Variants in DTNB observed in about 807,000 individuals in gnomAD.
The protein encoded by DTNB is DTN-B.
In DTNB, 63 loss-of-function variants were observed where a neutral mutation model predicts 90.7. That is an observed-to-expected ratio of 0.69 (90% CI 0.57 to 0.86). DTNB has a LOEUF of 0.86. DTNB is among the 40% of genes least tolerant of loss of function. DTNB has a pLI of 0.00. For synonymous variants in DTNB, 277 were observed against 286.7 expected (o/e 0.97, Z 0.34); for missense variants, 744 against 807.1 (o/e 0.92, Z 0.95).
At chr2:25,479,583 C>T (rs1165984320) in intron 10 of DTNB, among the ~76,000 whole-genome samples, 1 of 152,186 alleles carries the variant, frequency 6.6e-6, no homozygotes, top group African/African-American at 2.4e-5. Context: ...CAAATCCCTA[C>T]AGTAGAACCT....
intron 16 of DTNB, among the ~76,000 whole-genome samples, chr2:25,391,258 T>C (rs914862057): frequency 7.2e-5 from 11 of 152,180 alleles, no homozygotes; most frequent in Non-Finnish European, 1.5e-4. Flanking sequence ...ACTAGATACA[T>C]TGAATATTAT....
At chr2:25,596,406 G>T in intron 5 of DTNB, 166 bp from the exon 6 acceptor site, 1 of 712,118 alleles carries the variant, frequency 1.4e-6, no homozygotes, top group Non-Finnish European at 2.1e-6. Context: ...TATTAACACT[G>T]TGTGGCTACC....
rs77257548 is a variant in DTNB, at chr2:25,406,628, A to G, written c.1575+12887T>C. Among the ~76,000 whole-genome samples, 944 of 152,244 alleles carry G rather than the reference A, an allele frequency of 6.2e-3. 8 individuals are homozygous for G. The highest frequency in any genetic ancestry group is 0.014 in the Middle Eastern group (4 of 294). ...ACCAAAAAAACACATATGTTTTTCT[A>G]TAACACATACAACAACTACTTGCAA... is the stretch of plus-strand genomic sequence containing the variant. On this transcript the variant is annotated intron_variant, in intron 16 of 20. Transcript: ENST00000406818.
intron 19 of DTNB, among the ~76,000 whole-genome samples, chr2:25,381,005 A>G (rs188740588): frequency 1.3e-5 from 2 of 152,346 alleles, no homozygotes; most frequent in South Asian, 4.1e-4. Flanking sequence ...GTTCGTGGCC[A>G]GGGCAAGGCC....
chr2:25,555,981 T>C (rs978871148), intron 8 of DTNB, among the ~76,000 whole-genome samples: 5 of 152,114 alleles, frequency 3.3e-5, no homozygotes, highest in East Asian at 1.9e-4. Flanking sequence ...GATTGTGCCA[T>C]TGCGCTCCAG....
intron 9 of DTNB, among the ~76,000 whole-genome samples, chr2:25,521,909 T>C (rs1414075826): frequency 1.3e-5 from 2 of 152,182 alleles, no homozygotes; most frequent in Admixed American, 6.5e-5. Flanking sequence ...GAATTCAGGG[T>C]AATAGACACA....
At chr2:25,633,244 G>A (rs538592615) in intron 3 of DTNB, among the ~76,000 whole-genome samples, 17 of 151,970 alleles carry the variant, frequency 1.1e-4, no homozygotes, top group African/African-American at 3.6e-4. Flanking sequence ...CTGCCATCTC[G>A]GCTCACTGCA....
At chr2:25,624,987 T>C (rs2073799579) in intron 4 of DTNB, among the ~76,000 whole-genome samples, 2 of 152,132 alleles carry the variant, frequency 1.3e-5, no homozygotes, top group African/African-American at 4.8e-5. Context: ...CTCTCAGTAT[T>C]AAAAAAAATT....
chr2:25,594,909 C>G (rs1398384773), intron 6 of DTNB: 1 of 152,242 alleles, frequency 6.6e-6, no homozygotes, highest in Non-Finnish European at 1.5e-5. Flanking sequence ...AAACTTTATT[C>G]AGATTTTTCC....
intron 12 of DTNB, among the ~76,000 whole-genome samples, chr2:25,448,929 A>G (rs973366283): frequency 1.3e-5 from 2 of 151,616 alleles, no homozygotes; most frequent in Non-Finnish European, 2.9e-5. Flanking sequence ...CCACACCCCT[A>G]TTGAAATGTG....
intron 16 of DTNB, among the ~76,000 whole-genome samples, chr2:25,415,390 G>A (rs1305834985): frequency 6.6e-6 from 1 of 151,738 alleles, no homozygotes; most frequent in African/African-American, 2.4e-5. Flanking sequence ...GGGACTACGG[G>A]TGCATGCTAC....
At chr2:25,587,652 A>G (rs2062710667) in intron 6 of DTNB, among the ~76,000 whole-genome samples, 2 of 152,182 alleles carry the variant, frequency 1.3e-5, no homozygotes, top group African/African-American at 2.4e-5. Context: ...ATCCTTTTCT[A>G]AAAAGAAAAC....
intron 9 of DTNB, among the ~76,000 whole-genome samples, chr2:25,498,326 T>C (rs1383886966): frequency 6.6e-6 from 1 of 152,144 alleles, no homozygotes. Context: ...CCAACTAGTG[T>C]GACTGTTACT....
chr2:25,614,557 ATAAT>A (rs1451864026), intron 4 of DTNB, among the ~76,000 whole-genome samples: 2 of 152,204 alleles, frequency 1.3e-5, no homozygotes, highest in East Asian at 1.9e-4. Context: ...AAAAATATAA[ATAAT>A]TAAATAATAT....
At chr2:25,400,208 T>C (rs921958512) in intron 16 of DTNB, among the ~76,000 whole-genome samples, 1 of 152,246 alleles carries the variant, frequency 6.6e-6, no homozygotes, top group Non-Finnish European at 1.5e-5. Context: ...AAACCTTCTG[T>C]GCACAGCAAC....
chr2:25,575,542 C>G (rs183199824), intron 8 of DTNB, among the ~76,000 whole-genome samples: 1 of 151,982 alleles, frequency 6.6e-6, no homozygotes, highest in Non-Finnish European at 1.5e-5. Context: ...GGATCTTTAA[C>G]AGATTTTCAG....
At chr2:25,442,450 C>A (rs1207023821) in intron 12 of DTNB, among the ~76,000 whole-genome samples, 1 of 152,188 alleles carries the variant, frequency 6.6e-6, no homozygotes, top group African/African-American at 2.4e-5. Flanking sequence ...AAATTGATGT[C>A]TGGAACTGGG....
At chr2:25,420,930 T>C (rs537708241) in intron 15 of DTNB, among the ~76,000 whole-genome samples, 1 of 152,354 alleles carries the variant, frequency 6.6e-6, no homozygotes, top group East Asian at 1.9e-4. Context: ...TTCAGTTCTT[T>C]GCTACTCATC....
chr2:25,632,636 T>C (rs1454451921), intron 3 of DTNB, among the ~76,000 whole-genome samples: 1 of 152,222 alleles, frequency 6.6e-6, no homozygotes, highest in Non-Finnish European at 1.5e-5. Flanking sequence ...CTCCTCACCA[T>C]GGGATGGTGT....
Sources: allele counts gnomAD v4.1 joint callset (sites outside exome capture counted in the v4.1 genomes callset), GRCh38; gene constraint gnomAD v4.1.1; transcripts MANE v1.5; gene names NCBI Gene and HGNC (gene_info 2026-07-23, HGNC 2026-07-21).